POP1: variants seen among roughly 807,000 people sequenced by gnomAD.
The protein encoded by POP1 is ribonucleases P/MRP protein subunit POP1.
A neutral mutation model predicts 102.2 loss-of-function variants in POP1; 75 were observed. That is an observed-to-expected ratio of 0.73 (90% CI 0.61 to 0.89). The LOEUF (loss-of-function observed/expected upper bound fraction) is 0.89, where lower values mean the gene tolerates loss of function less well. Among genes scored for constraint, POP1 ranks in the 40% least tolerant of loss-of-function variants. The pLI is 0.00. For synonymous variants in POP1, 436 were observed against 464.1 expected (o/e 0.94, Z 0.78); for missense variants, 1,116 against 1,267.4 (o/e 0.88, Z 1.81).
chr8:98,128,043 A>G (rs1365700743), intron 3 of POP1, among the ~76,000 whole-genome samples: 1 of 152,010 alleles, frequency 6.6e-6, no homozygotes, highest in Non-Finnish European at 1.5e-5. Context: ...CTCTTGTTTT[A>G]AATATGCCAT....
Position 98,135,255 on chromosome 8 carries a change from G to T in POP1, c.1011+596G>T, listed in dbSNP as rs749032882. On this transcript the variant is annotated intron_variant, in intron 7 of 15. Transcript: ENST00000401707. ...ATCGTGCTATTGCACTCCAGCCTGG[G>T]TGACAGTGAGACCCTGTCTCGAAAA... Among the ~76,000 whole-genome samples the T allele has an allele frequency of 3.9e-5, 6 of 151,908 alleles. No individual in the cohort carries two copies. The South Asian group carries it at 8.3e-4, about 21-fold the overall frequency.
At chr8:98,154,353 A>C (rs1809593684) in intron 14 of POP1, among the ~76,000 whole-genome samples, 1 of 152,086 alleles carries the variant, frequency 6.6e-6, no homozygotes, top group South Asian at 2.1e-4. Context: ...TGAGCCATCT[A>C]GGCTGATGAA....
At chr8:98,153,809 TA>T (rs1809580781) in intron 14 of POP1, among the ~76,000 whole-genome samples, 1 of 152,168 alleles carries the variant, frequency 6.6e-6, no homozygotes, top group African/African-American at 2.4e-5. Context: ...GTGCTGGGAT[TA>T]GAGGTGTGAG....
chr8:98,140,945 T>G, intron 11 of POP1, 57 bp downstream of exon 11: 1 of 1,592,734 alleles, frequency 6.3e-7, no homozygotes, highest in Non-Finnish European at 8.6e-7. Context: ...TCCAGTCTTA[T>G]TAGAAGAAGA....
chr8:98,137,194 G>A (rs1404801200), intron 9 of POP1, among the ~76,000 whole-genome samples: 1 of 152,190 alleles, frequency 6.6e-6, no homozygotes, highest in Non-Finnish European at 1.5e-5. Context: ...TCTTGCATCT[G>A]TGAGTCTTGT....
At position 98,149,006 on chromosome 8, in the gene POP1, T is replaced by C; in HGVS notation, c.1902T>C (p.Phe634=). Residue 634 remains phenylalanine, a splice_region_variant and synonymous_variant, in exon 13 of 16, where the codon TTT becomes TTC. Transcript: ENST00000401707. ...KGWGMAFWIP[F]IYRGVRVGGL... ...GGGGCATGGCTTTCTGGATTCCATT[T>C]GTAAGTTACTTTTTGATTCTAACAG... 1 of 1,610,696 alleles carries C rather than the reference T, an allele frequency of 6.2e-7. No homozygotes were observed. Among genetic ancestry groups the C allele is most frequent in the Non-Finnish European group, 8.5e-7 (1 of 1,177,780 alleles).
rs1809752379 is a variant in POP1, at chr8:98,159,685, C to G, written c.*1414C>G. 6.6e-6 allele frequency: 1 copy of G among 151,698 alleles called. No homozygotes were observed. The highest frequency in any genetic ancestry group is 1.9e-4 in the East Asian group (1 of 5,164). The allele number at this position is 151,698 out of a possible 1,614,324, so 9.4% of individuals were successfully genotyped here. A position where few individuals can be genotyped will look rare whatever the true frequency, so the allele number is the denominator to read the frequency against. On this transcript the variant is annotated 3_prime_UTR_variant, in exon 16 of 16. Transcript: ENST00000401707. ...AGGATACAGCAGGTGGTACAGTAGT[C>G]AGGAAGTACCTGCCACCAATGAGAT...
intron 2 of POP1, among the ~76,000 whole-genome samples, chr8:98,124,725 G>A (rs999564596): frequency 6.6e-6 from 1 of 152,090 alleles, no homozygotes; most frequent in African/African-American, 2.4e-5. Flanking sequence ...TTTAGAGCTG[G>A]TATATTTTAT....
intron 11 of POP1, among the ~76,000 whole-genome samples, 190 bp from the exon 12 acceptor site, chr8:98,146,378 G>A (rs1816843420): frequency 1.3e-5 from 2 of 152,214 alleles, no homozygotes; most frequent in Admixed American, 6.5e-5. Flanking sequence ...CTGCTTAGGA[G>A]CCTTTGCTAT....
At chr8:98,125,208 CAG>C (rs1478903258) in intron 2 of POP1, among the ~76,000 whole-genome samples, 1 of 115,676 alleles carries the variant, frequency 8.6e-6, no homozygotes, top group African/African-American at 3.5e-5. Context: ...TTTTTTGAGG[CAG>C]AGTCTTGCTC....
rs1208595231 is a variant in POP1 at position 98,155,925 on chromosome 8, G to GTGTGTGTGTC, written c.2058-116_2058-115insCTGTGTGTGT. The GTGTGTGTGTC allele has an allele frequency of 7.2e-6, 5 of 694,382 alleles. No individual in the cohort carries two copies. The East Asian group carries it at 1.4e-4, about 20-fold the overall frequency. 43.0% of individuals were successfully genotyped at this position (694,382 alleles called of 1,614,324 possible). The stretch of plus-strand genomic sequence containing the variant: ...GGAAAGCTTTTGTGTGTGTGTGTGT[G>GTGTGTGTGTC]TGTGTGTGTGTGTGTGTGTGTGTGT... On this transcript the variant is annotated intron_variant, in intron 14 of 15. Transcript: ENST00000401707.
rs573370696 is a variant in POP1, at chr8:98,140,144, G to T, written c.1429G>T (p.Val477Phe). ...AGAAACCTGTAAGAAACCTGACAGC[G>T]TTTCCCTTCATTGCAGACAAGAAGC... The part of the protein sequence containing the change: ...WIETCKKPDS[V>F]SLHCRQEAIF... The change falls in exon 10 of 16, where the codon GTT (valine) becomes TTT (phenylalanine). Residue 477 changes from valine (V) to phenylalanine (F), a missense_variant. Physicochemically the swap from Val to Phe is conservative, Grantham distance 50. Coordinates refer to ENST00000401707, the MANE Select transcript of POP1 (RefSeq NM_001145860.2). The T allele has an allele frequency of 6.2e-7, 1 of 1,613,974 alleles. No homozygotes were observed. Among genetic ancestry groups the T allele is most frequent in the Admixed American group, 1.7e-5 (1 of 59,988 alleles).
chr8:98,129,869 T>C (rs1436961540), intron 4 of POP1, 109 bp from the exon 5 acceptor site: 5 of 1,249,278 alleles, frequency 4.0e-6, no homozygotes, highest in Non-Finnish European at 5.8e-6. Context: ...ACTAATGGGA[T>C]CTATAAAATA....
chr8:98,152,628 A>G (rs4735531), intron 14 of POP1, among the ~76,000 whole-genome samples: 16,630 of 152,292 alleles, frequency 0.11, 1,005 homozygotes, highest in South Asian at 0.16. Context: ...TTAAAAACGT[A>G]GAAACCATTC....
At chr8:98,128,619 AT>A (rs1203853663) in intron 4 of POP1, 79 bp downstream of exon 4, 1 of 1,516,792 alleles carries the variant, frequency 6.6e-7, no homozygotes, top group East Asian at 2.3e-5. Flanking sequence ...AATAGAATTT[AT>A]TAAAAATGAA....
rs1816337408 is a variant in POP1, at chr8:98,130,108, T to TC, written c.618dup (p.Trp207LeufsTer65). The TC allele has an allele frequency of 6.2e-7, 1 of 1,614,186 alleles. No homozygotes were observed. Among genetic ancestry groups the TC allele is most frequent in the Non-Finnish European group, 8.5e-7 (1 of 1,180,038 alleles). ...AAGAACATTTGGTTAGAAACTCACA[T>TC]CTGGCACGCCAAGCGGTTTCATATG... is the stretch of plus-strand genomic sequence containing the variant. On this transcript the variant is annotated frameshift_variant, in exon 5 of 16. Coordinates refer to ENST00000401707, the MANE Select transcript of POP1 (RefSeq NM_001145860.2). LOFTEE classifies it high-confidence loss of function.
chr8:98,135,820 TC>T (rs58233241), intron 7 of POP1, among the ~76,000 whole-genome samples: 11,047 of 152,012 alleles, frequency 0.073, 619 homozygotes, highest in Middle Eastern at 0.16. Flanking sequence ...TACCTCAGCC[TC>T]CCCGAGTAGC....
intron 11 of POP1, among the ~76,000 whole-genome samples, chr8:98,144,689 A>G (rs958424378): frequency 6.6e-6 from 1 of 152,092 alleles, no homozygotes; most frequent in Non-Finnish European, 1.5e-5. Flanking sequence ...TAAAATCCCA[A>G]TCATGTTCCC....
At chr8:98,148,305 T>C (rs551689657) in intron 12 of POP1, among the ~76,000 whole-genome samples, 33 of 152,300 alleles carry the variant, frequency 2.2e-4, no homozygotes, top group Admixed American at 7.8e-4. Flanking sequence ...TAATCTCTTT[T>C]TACAGCTCCA....
Sources: gnomAD v4.1 joint callset for allele counts (sites outside exome capture counted in the v4.1 genomes callset) on GRCh38, gnomAD v4.1.1 for gene constraint, MANE v1.5 for transcripts, NCBI Gene and HGNC (gene_info 2026-07-23, HGNC 2026-07-21) for gene names.